CACNB2: variants seen among roughly 807,000 people sequenced by gnomAD.
The protein encoded by CACNB2 is calcium voltage-gated channel auxiliary subunit beta 2.
A neutral mutation model predicts 73.3 loss-of-function variants in CACNB2; 42 were observed. That is an observed-to-expected ratio of 0.57 (90% CI 0.45 to 0.74). CACNB2 has a LOEUF of 0.74. Among genes scored for constraint, CACNB2 ranks in the 30% least tolerant of loss-of-function variants. The pLI is 0.00. For missense variants in CACNB2, 940 were observed against 853.0 expected (o/e 1.10, Z -1.27); for synonymous variants, 348 against 310.3 (o/e 1.12, Z -1.28).
In CACNB2 at chr10:18,401,202, C is replaced by G. The variant is rs1291494058; in HGVS notation, c.214-722C>G. The stretch of plus-strand genomic sequence containing the variant: ...GAGAGGGTGGTTTGATTTGGTTAAT[C>G]GGATCATGATTGCAGGAGAGGGAAG... On this transcript the variant is annotated intron_variant, in intron 2 of 13. Coordinates refer to ENST00000324631, the MANE Select transcript of CACNB2 (RefSeq NM_201596.3). The G allele has an allele frequency of 2.2e-6, 3 of 1,377,360 alleles. No individual in the cohort carries two copies. In the East Asian group the frequency reaches 7.1e-5, roughly 33 times the overall value. 85.3% of individuals were successfully genotyped at this position (1,377,360 alleles called of 1,614,324 possible). A position where few individuals can be genotyped will look rare whatever the true frequency, so the allele number is the denominator to read the frequency against.
intron 2 of CACNB2, among the ~76,000 whole-genome samples, chr10:18,243,565 G>A (rs534193227): frequency 7.9e-5 from 12 of 152,268 alleles, no homozygotes; most frequent in East Asian, 7.7e-4. Context: ...CCTAGTGGGT[G>A]GTGTTTGGTT....
chr10:18,289,680 T>C (rs772114541), intron 2 of CACNB2, among the ~76,000 whole-genome samples: 12 of 152,092 alleles, frequency 7.9e-5, no homozygotes, highest in Non-Finnish European at 1.5e-4. Flanking sequence ...GCTATTATAA[T>C]TGTAGATGCT....
At chr10:18,251,651 G>A (rs1475503705) in intron 2 of CACNB2, among the ~76,000 whole-genome samples, 3 of 152,316 alleles carry the variant, frequency 2.0e-5, no homozygotes, top group East Asian at 1.9e-4. Flanking sequence ...AAGAAAAGAG[G>A]TTTAATTGAC....
intron 1 of CACNB2, chr10:18,141,186 CAG>C (rs1384845502): frequency 7.7e-7 from 1 of 1,297,948 alleles, no homozygotes; most frequent in Non-Finnish European, 1.0e-6. Context: ...AGACATGAAT[CAG>C]GGGAGTGGAC....
At chr10:18,159,091 G>A (rs1285067156) in intron 2 of CACNB2, among the ~76,000 whole-genome samples, 4 of 151,698 alleles carry the variant, frequency 2.6e-5, no homozygotes, top group African/African-American at 9.7e-5. Flanking sequence ...TTTTCTTAAA[G>A]ACATGTGTTC....
intron 3 of CACNB2, among the ~76,000 whole-genome samples, chr10:18,456,828 C>T (rs1351097658): frequency 6.6e-6 from 1 of 152,132 alleles, no homozygotes; most frequent in Non-Finnish European, 1.5e-5. Flanking sequence ...AATTTCTTTC[C>T]TTTTTAAGGC....
At chr10:18,341,053 G>A (rs1161146315) in intron 2 of CACNB2, 4 of 1,445,196 alleles carry the variant, frequency 2.8e-6, no homozygotes, top group African/African-American at 1.4e-5. Context: ...AACTGTTGCC[G>A]AGCTTGAGCT....
rs180907474 is a variant in CACNB2 at position 18,173,825 on chromosome 10, T to A, written c.213+22850T>A. 3.2e-3 allele frequency among the ~76,000 whole-genome samples: 485 copies of A among 152,316 alleles called. 2 individuals are homozygous for A. Among genetic ancestry groups the A allele is most frequent in the African/African-American group, 0.011 (468 of 41,568 alleles). On this transcript the variant is annotated intron_variant, in intron 2 of 13. Coordinates refer to ENST00000324631, the MANE Select transcript of CACNB2 (RefSeq NM_201596.3). ...TGTCTGTTATATTTTTGCAGGTTTT[T>A]AAAATGCTTGGCCATTTAGAAACTT...
intron 10 of CACNB2, among the ~76,000 whole-genome samples, chr10:18,533,845 A>C (rs1195129602): frequency 6.6e-6 from 1 of 152,226 alleles, no homozygotes; most frequent in Non-Finnish European, 1.5e-5. Flanking sequence ...TATTATACTA[A>C]AAGTAAATTC....
chr10:18,245,725 G>A (rs540954872), intron 2 of CACNB2, among the ~76,000 whole-genome samples: 19 of 152,126 alleles, frequency 1.2e-4, no homozygotes, highest in African/African-American at 3.9e-4. Context: ...ACCAAGACAC[G>A]AGAAGGTCAG....
At chr10:18,164,761 TAGG>T (rs2032726399) in intron 2 of CACNB2, among the ~76,000 whole-genome samples, 2 of 152,112 alleles carry the variant, frequency 1.3e-5, no homozygotes, top group African/African-American at 4.8e-5. Flanking sequence ...ACTCTGGATT[TAGG>T]ACTTGGAGGT....
rs769682775 is a variant in CACNB2 at position 18,539,250 on chromosome 10, G to T, written c.1509G>T (p.Arg503Ser). 2.5e-5 allele frequency: 41 copies of T among 1,613,840 alleles called. No homozygotes were observed. Among genetic ancestry groups the T allele is most frequent in the Non-Finnish European group, 3.2e-5 (38 of 1,179,996 alleles). Residue 503 changes from arginine (R) to serine (S), a missense_variant, in exon 14 of 14, where the codon AGG becomes AGT. Arg to Ser is a moderately radical substitution (Grantham distance 110). Transcript: ENST00000324631. ...GCCAGGGTTCTCAAGGTGATCAGAG[G>T]ACTGATCGCTCCGCTCCTATCCGTT... The part of the protein sequence containing the change: ...SNSQGSQGDQ[R>S]TDRSAPIRSA...
chr10:18,387,423 T>C (rs1235817046), intron 2 of CACNB2, among the ~76,000 whole-genome samples: 3 of 152,168 alleles, frequency 2.0e-5, no homozygotes. Flanking sequence ...TCTTCCCTCA[T>C]GTCCACTGGG....
At chr10:18,197,326 G>C (rs1297402377) in intron 2 of CACNB2, among the ~76,000 whole-genome samples, 1 of 152,082 alleles carries the variant, frequency 6.6e-6, no homozygotes, top group Admixed American at 6.6e-5. Flanking sequence ...ATTATTTCAT[G>C]CCTAAGTTAT....
chr10:18,254,707 A>G (rs1250674291), intron 2 of CACNB2, among the ~76,000 whole-genome samples: 1 of 152,214 alleles, frequency 6.6e-6, no homozygotes. Flanking sequence ...TGGAAGCTGC[A>G]AGCAGCCAGA....
chr10:18,240,381 C>T (rs1015962206), intron 2 of CACNB2, among the ~76,000 whole-genome samples: 3 of 152,130 alleles, frequency 2.0e-5, no homozygotes, highest in African/African-American at 7.2e-5. Flanking sequence ...CGGTTCCAAG[C>T]AGCGTGGTAT....
intron 13 of CACNB2, among the ~76,000 whole-genome samples, chr10:18,538,818 TACTGTATC>T (rs1169785959): frequency 6.6e-6 from 1 of 152,200 alleles, no homozygotes; most frequent in Non-Finnish European, 1.5e-5. Context: ...GCCTGTCCCA[TACTGTATC>T]ACTGTATCAG....
At chr10:18,404,526 T>A (rs1434276122) in intron 3 of CACNB2, among the ~76,000 whole-genome samples, 1 of 152,222 alleles carries the variant, frequency 6.6e-6, no homozygotes, top group Non-Finnish European at 1.5e-5. Flanking sequence ...CACAGCCATT[T>A]TGGAAGAATC....
intron 2 of CACNB2, among the ~76,000 whole-genome samples, chr10:18,367,663 T>A (rs2042411449): frequency 6.6e-6 from 1 of 152,130 alleles, no homozygotes; most frequent in Admixed American, 6.6e-5. Context: ...TATGTAAAAA[T>A]TCACATTTAT....
Sources: allele counts gnomAD v4.1 joint callset (sites outside exome capture counted in the v4.1 genomes callset), GRCh38; gene constraint gnomAD v4.1.1; transcripts MANE v1.5; gene names NCBI Gene and HGNC (gene_info 2026-07-23, HGNC 2026-07-21).